Variants in VPS13C observed in about 807,000 individuals in gnomAD.
The protein encoded by VPS13C is vacuolar protein sorting 13 homolog C, also known as intermembrane lipid transfer protein VPS13C.
Under a neutral mutation model 456.8 loss-of-function variants are expected in VPS13C, and 358 were observed. The observed-to-expected ratio is 0.78, with a 90% CI of 0.72 to 0.86. The LOEUF (loss-of-function observed/expected upper bound fraction) is 0.86, where lower values mean the gene tolerates loss of function less well. VPS13C is among the 40% of genes least tolerant of loss of function. The probability of loss-of-function intolerance (pLI) is 0.00; values close to 1 mark genes in which losing one functional copy is unlikely to be tolerated. For missense variants in VPS13C, 4,818 were observed against 4,385.4 expected (o/e 1.10, Z -2.79); for synonymous variants, 1,578 against 1,486.7 (o/e 1.06, Z -1.41).
chr15:61,952,238 A>AT (rs1246288262), intron 38 of VPS13C, among the ~76,000 whole-genome samples: 1 of 152,172 alleles, frequency 6.6e-6, no homozygotes, highest in Non-Finnish European at 1.5e-5. Flanking sequence ...CTTCGGCACC[A>AT]TTAACATTTT....
At chr15:62,037,528 A>AT (rs1303884614) in intron 3 of VPS13C, among the ~76,000 whole-genome samples, 1 of 54,118 alleles carries the variant, frequency 1.8e-5, no homozygotes, top group Non-Finnish European at 4.6e-5. Context: ...TATAATAAAT[A>AT]ATGCAAAATT....
Position 61,881,758 on chromosome 15 carries a change from G to C in VPS13C, c.9695C>G (p.Ala3232Gly), listed in dbSNP as rs779616944. The C allele has an allele frequency of 2.5e-5, 41 of 1,609,106 alleles. No homozygotes were observed. In the South Asian group the frequency reaches 4.5e-4, roughly 17 times the overall value. ...TTATTTTATTTTACCTGAATCTAAA[G>C]CAATAGATTTTGGAGGGGCAACAGG... ...FHPVAPPKSI[A>G]LDSEPKPFID... is the part of the protein sequence containing the mutation. The change falls in exon 70 of 85, where the codon GCT becomes GGT. Residue 3232 changes from alanine to glycine, a missense_variant. By Grantham distance (60) the Ala-to-Gly change is moderately conservative. Coordinates refer to ENST00000644861, the MANE Select transcript of VPS13C (RefSeq NM_020821.3).
intron 25 of VPS13C, among the ~76,000 whole-genome samples, chr15:61,973,798 T>A (rs1380188723): frequency 1.1e-4 from 16 of 152,162 alleles, no homozygotes; most frequent in Admixed American, 1.0e-3. Flanking sequence ...CTATTATTAC[T>A]GTATATCATT....
At chr15:62,009,032 T>C (rs556373447) in intron 13 of VPS13C, among the ~76,000 whole-genome samples, 2 of 152,294 alleles carry the variant, frequency 1.3e-5, no homozygotes, top group South Asian at 2.1e-4. Flanking sequence ...AATTGTCTTA[T>C]CACCAATATA....
intron 9 of VPS13C, among the ~76,000 whole-genome samples, chr15:62,019,780 C>G (rs147147877): frequency 0.019 from 2,932 of 151,830 alleles, 45 homozygotes; most frequent in East Asian, 0.07. Flanking sequence ...TTGGGGTGGA[C>G]AGTTCTGTAG....
intron 51 of VPS13C, among the ~76,000 whole-genome samples, chr15:61,929,190 T>C (rs1026208980): frequency 2.1e-4 from 32 of 152,268 alleles, no homozygotes; most frequent in African/African-American, 7.7e-4. Flanking sequence ...ATGTTTTCTT[T>C]GAATAAGATA....
Position 61,983,813 on chromosome 15 carries a change from C to T in VPS13C, c.1914+7G>A. The T allele has an allele frequency of 6.2e-7, 1 of 1,612,464 alleles. No individual in the cohort carries two copies. On this transcript the variant is annotated splice_region_variant and intron_variant, in intron 20 of 84. Transcript: ENST00000644861. ...TAAATAAAGAGTTACTTTCTCCTTG[C>T]ACTTACAGCATCATAGATGACCTCC...
rs1894064728 is a variant in VPS13C, at chr15:61,858,736, T to C, written c.10953-2327A>G. ...AGAGATTCAAAGCACCCTTGTTGGG[T>C]TGGAATAAGGGTAGCTTCTAGGAGC... is the stretch of plus-strand genomic sequence containing the variant. On this transcript the variant is annotated intron_variant, in intron 82 of 84. Coordinates refer to ENST00000644861, the MANE Select transcript of VPS13C (RefSeq NM_020821.3). The surrounding 1 kb of genome is among the most constrained non-coding windows in gnomAD (Gnocchi z 4.4). Among the ~76,000 whole-genome samples, 4 of 152,034 alleles carry C rather than the reference T, an allele frequency of 2.6e-5. No homozygotes were observed. Among genetic ancestry groups the C allele is most frequent in the Admixed American group, 2.0e-4 (3 of 15,256 alleles).
At chr15:61,943,859 T>C (rs2044514448) in intron 45 of VPS13C, among the ~76,000 whole-genome samples, 1 of 148,452 alleles carries the variant, frequency 6.7e-6, no homozygotes, top group South Asian at 2.1e-4. Flanking sequence ...ACCTACAAAA[T>C]AGAAAAAATG....
intron 52 of VPS13C, among the ~76,000 whole-genome samples, chr15:61,925,783 G>A (rs2043827409): frequency 1.3e-5 from 2 of 152,194 alleles, no homozygotes; most frequent in South Asian, 4.1e-4. Context: ...ATTTCATCAT[G>A]CCAAATCCTT....
Position 61,881,714 on chromosome 15 carries a change from G to T in VPS13C, c.9706+33C>A, listed in dbSNP as rs377357378. ...ATGCCTATTTAACTTTTATAAATAA[G>T]GTATATCTATGTCACAACTTATTTT... On this transcript the variant is annotated intron_variant, in intron 70 of 84. Transcript: ENST00000644861. 4.4e-6 allele frequency: 7 copies of T among 1,603,238 alleles called. No homozygotes were observed. The East Asian group carries it at 1.3e-4, about 31-fold the overall frequency.
chr15:62,055,011 G>T (rs1338257710), intron 1 of VPS13C, among the ~76,000 whole-genome samples: 1 of 152,040 alleles, frequency 6.6e-6, no homozygotes. Flanking sequence ...AAATAACCAA[G>T]GTCTCAATTA....
In VPS13C at chr15:61,868,809, G is replaced by A. The variant is rs559199011; in HGVS notation, c.10749-36C>T. The A allele has an allele frequency of 3.7e-5, 55 of 1,502,256 alleles. No individual in the cohort carries two copies. In the Middle Eastern group the frequency reaches 1.0e-3, roughly 28 times the overall value. 93.1% of individuals were successfully genotyped at this position (1,502,256 alleles called of 1,614,324 possible). ...CATCAGAGTAAGTGTAAGAAAATAC[G>A]TGAGAGTCTTTCAAAATAATGTGTG... On this transcript the variant is annotated intron_variant, in intron 80 of 84. Transcript: ENST00000644861.
At chr15:61,948,828 T>A (rs1274368041) in intron 42 of VPS13C, among the ~76,000 whole-genome samples, 1 of 152,156 alleles carries the variant, frequency 6.6e-6, no homozygotes. Context: ...TGACATTATA[T>A]AATATGAAAG....
Position 61,962,368 on chromosome 15 carries a change from T to C in VPS13C, c.3603+3A>G. 6.4e-7 allele frequency: 1 copy of C among 1,574,026 alleles called. No individual in the cohort carries two copies. The highest frequency in any genetic ancestry group is 8.6e-7 in the Non-Finnish European group (1 of 1,161,496). ...AAAATCAATATACAAATAATTATTT[T>C]ACCAGAAGTGACATAAGGAATTTAT... On this transcript the variant is annotated splice_donor_region_variant and intron_variant, in intron 34 of 84. Transcript: ENST00000644861.
intron 52 of VPS13C, among the ~76,000 whole-genome samples, chr15:61,926,682 C>A (rs2043860862): frequency 6.6e-6 from 1 of 152,116 alleles, no homozygotes; most frequent in Non-Finnish European, 1.5e-5. Context: ...ACATAATTGA[C>A]ATTCACTTTT....
At chr15:61,854,816 T>G (rs1893817609) in intron 84 of VPS13C, 55 bp downstream of exon 84, 7 of 1,490,496 alleles carry the variant, frequency 4.7e-6, no homozygotes, top group Non-Finnish European at 6.4e-6. Flanking sequence ...ATAAGAGGCT[T>G]TTAAAAAAGT....
chr15:61,880,480 T>G lies in VPS13C; in HGVS notation c.10002+129A>C, dbSNP rs1191338706. On this transcript the variant is annotated intron_variant, in intron 73 of 84. Transcript: ENST00000644861. ...TGCTACAGAGAACTGTCTTAATTAT[T>G]TCGATTAATCAAACAAAATTCCCAC... 5.1e-6 allele frequency: 3 copies of G among 587,618 alleles called. No individual in the cohort carries two copies. The African/African-American group carries it at 5.9e-5, about 11-fold the overall frequency. 36.4% of individuals were successfully genotyped at this position (587,618 alleles called of 1,614,324 possible).
In VPS13C at chr15:61,917,590, G is replaced by A. The variant is rs748325458; in HGVS notation, c.7806C>T (p.Tyr2602=). 20 of 1,613,526 alleles carry A rather than the reference G, an allele frequency of 1.2e-5. No homozygotes were observed. In the Admixed American group the frequency reaches 3.3e-4, roughly 27 times the overall value. The change falls in exon 60 of 85, where the codon TAC becomes TAT. Residue 2602 remains tyrosine, a synonymous_variant. Coordinates refer to ENST00000644861, the MANE Select transcript of VPS13C (RefSeq NM_020821.3). ...AGGAAATATAAGTGGTAGATTCTTT[G>A]TACTGATGCTCTAAGATTCCAGCTG... ...IQPAGILEHQ[Y]KESTTYISWK... is the part of the protein sequence containing the mutation.
Sources: gnomAD v4.1 joint callset for allele counts (sites outside exome capture counted in the v4.1 genomes callset) on GRCh38, gnomAD v4.1.1 for gene constraint, Gnocchi (gnomAD v3.1) non-coding constraint, MANE v1.5 for transcripts, NCBI Gene and HGNC (gene_info 2026-07-23, HGNC 2026-07-21) for gene names.